LRRTM4: variants seen among roughly 807,000 people sequenced by gnomAD.
LRRTM4 encodes the protein leucine rich repeat transmembrane neuronal 4, also known as leucine-rich repeat transmembrane neuronal protein 4.
Under a neutral mutation model 47.6 loss-of-function variants are expected in LRRTM4, and 25 were observed. The ratio of observed to expected loss-of-function variants is 0.53; its 90% confidence interval spans 0.38 to 0.73. The LOEUF (loss-of-function observed/expected upper bound fraction) is 0.73. Among genes scored for constraint, LRRTM4 ranks in the 30% least tolerant of loss-of-function variants. The probability of loss-of-function intolerance (pLI) is 0.00; values close to 1 mark genes in which losing one functional copy is unlikely to be tolerated. For missense variants in LRRTM4, 638 were observed against 713.4 expected (o/e 0.89, Z 1.20); for synonymous variants, 311 against 269.5 (o/e 1.15, Z -1.51).
intron 3 of LRRTM4, among the ~76,000 whole-genome samples, chr2:77,375,573 C>A (rs1174292912): frequency 6.6e-6 from 1 of 151,716 alleles, no homozygotes; most frequent in Non-Finnish European, 1.5e-5. Context: ...AAAATATACA[C>A]CTGAATAACA....
intron 3 of LRRTM4, among the ~76,000 whole-genome samples, chr2:77,130,402 C>A (rs1025431978): frequency 5.9e-5 from 9 of 152,014 alleles, no homozygotes; most frequent in Admixed American, 5.9e-4. Context: ...GCTTTATTTT[C>A]TTTACTTAAT....
intron 3 of LRRTM4, among the ~76,000 whole-genome samples, chr2:77,362,159 AAG>A (rs1491168785): frequency 6.6e-6 from 1 of 151,542 alleles, no homozygotes. Context: ...GAAAGAAAGA[AAG>A]AAAGAAAGAA....
rs1047835827 is a variant in LRRTM4 at position 76,963,411 on chromosome 2, A to T, written c.1552-214495T>A. Among the ~76,000 whole-genome samples, 3 of 150,942 alleles carry T rather than the reference A, an allele frequency of 2.0e-5. No individual in the cohort carries two copies. In the Admixed American group the frequency reaches 2.0e-4, roughly 10 times the overall value. ...TCTGAAAAAATGTATTGATCAAGTG[A>T]TTAAAACAGATTTCTCATCAGAAAA... On this transcript the variant is annotated intron_variant, in intron 3 of 3. Coordinates refer to ENST00000409884, the MANE Select transcript of LRRTM4 (RefSeq NM_001134745.3).
intron 3 of LRRTM4, among the ~76,000 whole-genome samples, chr2:76,923,133 T>C (rs1036467318): frequency 6.6e-6 from 1 of 152,066 alleles, no homozygotes; most frequent in African/African-American, 2.4e-5. Context: ...TCTGTCAATG[T>C]CTTTGTATGT....
At chr2:77,352,590 T>C (rs1671826316) in intron 3 of LRRTM4, among the ~76,000 whole-genome samples, 1 of 152,074 alleles carries the variant, frequency 6.6e-6, no homozygotes, top group Non-Finnish European at 1.5e-5. Flanking sequence ...ACCAAGTTTG[T>C]CCCTGCTTGA....
At chr2:77,113,657 A>C (rs1178118486) in intron 3 of LRRTM4, among the ~76,000 whole-genome samples, 1 of 152,088 alleles carries the variant, frequency 6.6e-6, no homozygotes, top group Non-Finnish European at 1.5e-5. Flanking sequence ...GGGGAGCAGA[A>C]GAGGCAGAAG....
At chr2:76,934,021 C>T (rs1674858534) in intron 3 of LRRTM4, among the ~76,000 whole-genome samples, 1 of 152,060 alleles carries the variant, frequency 6.6e-6, no homozygotes, top group Admixed American at 6.6e-5. Context: ...GCTAAGACGT[C>T]GATAACATTC....
In LRRTM4 at chr2:76,978,255, A is replaced by T. The variant is rs1676483685; in HGVS notation, c.1552-229339T>A. 1.3e-5 allele frequency among the ~76,000 whole-genome samples: 2 copies of T among 152,008 alleles called. 1 individual carries two copies. Among genetic ancestry groups the T allele is most frequent in the South Asian group, 4.1e-4 (2 of 4,826 alleles). On this transcript the variant is annotated intron_variant, in intron 3 of 3. Transcript: ENST00000409884. ...GCAAGTTTCTTTCCTTGTACTGTTG[A>T]AAATTAATACCTTGCTAAGGCATTT...
chr2:76,883,803 T>C (rs779926583), intron 3 of LRRTM4, among the ~76,000 whole-genome samples: 28 of 152,122 alleles, frequency 1.8e-4, no homozygotes, highest in Admixed American at 1.0e-3. Flanking sequence ...TGCTAAATGA[T>C]TGTGAATTGA....
chr2:76,931,959 G>T lies in LRRTM4; in HGVS notation c.1552-183043C>A, dbSNP rs992613572. On this transcript the variant is annotated intron_variant, in intron 3 of 3. Coordinates refer to ENST00000409884, the MANE Select transcript of LRRTM4 (RefSeq NM_001134745.3). The stretch of plus-strand genomic sequence containing the variant: ...ACAGGGAGGTTACTAAGTAAAAACA[G>T]GGTTTTAAGACTAAACAAAAAATGT... 2.6e-5 allele frequency among the ~76,000 whole-genome samples: 4 copies of T among 152,088 alleles called. 1 individual carries two copies. Among genetic ancestry groups the T allele is most frequent in the African/African-American group, 9.7e-5 (4 of 41,430 alleles).
At chr2:76,790,769 T>G (rs1477893040) in intron 3 of LRRTM4, among the ~76,000 whole-genome samples, 2 of 151,804 alleles carry the variant, frequency 1.3e-5, no homozygotes, top group Non-Finnish European at 2.9e-5. Context: ...GTAAATCTAC[T>G]CTTTGATCAA....
chr2:77,374,426 T>G (rs941307414), intron 3 of LRRTM4, among the ~76,000 whole-genome samples: 1 of 151,838 alleles, frequency 6.6e-6, no homozygotes, highest in Admixed American at 6.6e-5. Flanking sequence ...GTTTTCACTG[T>G]AGACAGATAT....
intron 3 of LRRTM4, among the ~76,000 whole-genome samples, chr2:76,966,675 C>T (rs528504640): frequency 1.1e-4 from 17 of 151,526 alleles, no homozygotes; most frequent in African/African-American, 4.1e-4. Flanking sequence ...TATTAGAATC[C>T]TGTTTAATCA....
chr2:76,853,560 G>T (rs1425943931), intron 3 of LRRTM4, among the ~76,000 whole-genome samples: 10 of 151,932 alleles, frequency 6.6e-5, no homozygotes. Context: ...AGAAAATGAT[G>T]CCCATATATG....
At chr2:77,155,657 G>A (rs896644252) in intron 3 of LRRTM4, among the ~76,000 whole-genome samples, 2 of 151,988 alleles carry the variant, frequency 1.3e-5, no homozygotes, top group African/African-American at 4.8e-5. Context: ...CAGGAATGAA[G>A]AAAGATATCA....
chr2:76,822,762 C>G (rs1346637206), intron 3 of LRRTM4, among the ~76,000 whole-genome samples: 2 of 151,354 alleles, frequency 1.3e-5, no homozygotes, highest in African/African-American at 4.8e-5. Context: ...GAGGTTGTAC[C>G]TCTAAGTCTG....
At chr2:77,375,407 C>G (rs1672797486) in intron 3 of LRRTM4, among the ~76,000 whole-genome samples, 1 of 151,648 alleles carries the variant, frequency 6.6e-6, no homozygotes, top group Admixed American at 6.6e-5. Context: ...CAAAAGTTTC[C>G]TTGCACACCT....
rs1189182345 is a variant in LRRTM4, at chr2:77,390,772, CTT to C, written c.1551+127544_1551+127545del. Among the ~76,000 whole-genome samples, 11 of 151,282 alleles carry C rather than the reference CTT, an allele frequency of 7.3e-5. No homozygotes were observed. The East Asian group carries it at 1.6e-3, about 21-fold the overall frequency. Reference sequence around the variant, plus strand: ...ATTAAATATTTTACAAGAAAAATAACTTATTTTCATAAGTTGGTACTTTTATT... The same window carrying C: ...ATTAAATATTTTACAAGAAAAATAACATTTTCATAAGTTGGTACTTTTATT... On this transcript the variant is annotated intron_variant, in intron 3 of 3. Coordinates refer to ENST00000409884, the MANE Select transcript of LRRTM4 (RefSeq NM_001134745.3).
chr2:77,128,150 AAAAC>A (rs1457565158), intron 3 of LRRTM4, among the ~76,000 whole-genome samples: 5 of 151,004 alleles, frequency 3.3e-5, no homozygotes, highest in Non-Finnish European at 7.4e-5. Flanking sequence ...CTCAAAAAAA[AAAAC>A]AAAACAAAAC....
Sources: gnomAD v4.1 joint callset for allele counts (sites outside exome capture counted in the v4.1 genomes callset) on GRCh38, gnomAD v4.1.1 for gene constraint, MANE v1.5 for transcripts, NCBI Gene and HGNC (gene_info 2026-07-23, HGNC 2026-07-21) for gene names.